Variants in STXBP5L observed in about 807,000 individuals in gnomAD.
STXBP5L encodes syntaxin-binding protein 5-like.
A neutral mutation model predicts 144.5 loss-of-function variants in STXBP5L; 65 were observed. The observed-to-expected ratio is 0.45, with a 90% CI of 0.37 to 0.55. The LOEUF is 0.55. Ranked by LOEUF, STXBP5L falls within the 20% of genes least tolerant of loss-of-function variation. The pLI, the probability that STXBP5L is intolerant of heterozygous loss-of-function variation, is 0.00. For synonymous variants in STXBP5L, 505 were observed against 469.6 expected (o/e 1.08, Z -0.97); for missense variants, 1,298 against 1,405.5 (o/e 0.92, Z 1.22).
intron 20 of STXBP5L, among the ~76,000 whole-genome samples, chr3:121,351,440 C>G (rs762810130): frequency 2.6e-5 from 4 of 152,108 alleles, no homozygotes; most frequent in Admixed American, 6.6e-5. Context: ...TGTGTGTTCT[C>G]AAATCTCAAG....
chr3:120,977,136 A>C (rs1009290498), intron 3 of STXBP5L, among the ~76,000 whole-genome samples: 1 of 152,148 alleles, frequency 6.6e-6, no homozygotes, highest in Non-Finnish European at 1.5e-5. Context: ...TCTAATGTTG[A>C]CAGTGGGGTG....
At chr3:120,962,802 T>G (rs1939023214) in intron 3 of STXBP5L, among the ~76,000 whole-genome samples, 1 of 152,206 alleles carries the variant, frequency 6.6e-6, no homozygotes. Context: ...GTTTTTCCAA[T>G]TCTGTGAAGA....
chr3:121,061,786 G>A (rs2041292390), intron 5 of STXBP5L, among the ~76,000 whole-genome samples: 1 of 152,162 alleles, frequency 6.6e-6, no homozygotes, highest in South Asian at 2.1e-4. Context: ...GACAGGGATT[G>A]CAACCCCTGC....
chr3:121,224,315 A>T (rs2049055236), intron 11 of STXBP5L, among the ~76,000 whole-genome samples: 1 of 152,174 alleles, frequency 6.6e-6, no homozygotes, highest in African/African-American at 2.4e-5. Flanking sequence ...ACTTTAAATT[A>T]TTTAGTCTCA....
intron 5 of STXBP5L, among the ~76,000 whole-genome samples, chr3:121,092,181 G>T (rs1424418100): frequency 1.3e-5 from 2 of 152,084 alleles, no homozygotes; most frequent in African/African-American, 2.4e-5. Context: ...TAGCCTTGTA[G>T]TATAGTTTGA....
intron 19 of STXBP5L, among the ~76,000 whole-genome samples, chr3:121,291,035 G>A (rs1375986912): frequency 1.3e-5 from 2 of 152,060 alleles, no homozygotes; most frequent in East Asian, 3.8e-4. Flanking sequence ...ACATAGTACT[G>A]GAAGTCCTAG....
chr3:121,087,381 G>A (rs1576905168), intron 5 of STXBP5L, among the ~76,000 whole-genome samples: 1 of 151,896 alleles, frequency 6.6e-6, no homozygotes, highest in East Asian at 1.9e-4. Flanking sequence ...TTCACATTTA[G>A]GGTTGCTATA....
intron 9 of STXBP5L, among the ~76,000 whole-genome samples, chr3:121,187,029 A>G (rs1236126147): frequency 6.6e-6 from 1 of 152,192 alleles, no homozygotes; most frequent in Non-Finnish European, 1.5e-5. Flanking sequence ...ATCTAGAACT[A>G]GAAGTACCAT....
rs58142438 is a variant in STXBP5L at position 121,387,706 on chromosome 3, G to A, written c.2587+6174G>A. Among the ~76,000 whole-genome samples the A allele has an allele frequency of 3.3e-3, 509 of 152,318 alleles. 4 individuals are homozygous for A. Among genetic ancestry groups the A allele is most frequent in the African/African-American group, 0.012 (484 of 41,574 alleles). On this transcript the variant is annotated intron_variant, in intron 22 of 26. Coordinates refer to ENST00000471454, the MANE Select transcript of STXBP5L (RefSeq NM_001308330.2). ...TTTTTGTCAGGTTTGTCAAAGATCA[G>A]ATGGTGTAGATGTGTGATGTTATTT...
intron 5 of STXBP5L, among the ~76,000 whole-genome samples, chr3:121,055,006 C>T (rs1463585491): frequency 2.0e-5 from 3 of 151,966 alleles, no homozygotes; most frequent in East Asian, 1.9e-4. Flanking sequence ...TGATGATTTC[C>T]AATAGTGATT....
chr3:121,297,211 T>TGTGG lies in STXBP5L; in HGVS notation c.2110+17258_2110+17259insGGTG, dbSNP rs769857596. ...AATGATTCTACATTATATGTGTGTG[T>TGTGG]GTGTGTGTGTGTGTGTGTGTGTGTG... On this transcript the variant is annotated intron_variant, in intron 19 of 26. Coordinates refer to ENST00000471454, the MANE Select transcript of STXBP5L (RefSeq NM_001308330.2). Among the ~76,000 whole-genome samples, 170 of 45,156 alleles carry TGTGG rather than the reference T, an allele frequency of 3.8e-3. 3 individuals carry two copies. The highest frequency in any genetic ancestry group is 9.1e-3 in the Non-Finnish European group (132 of 14,560). 29.6% of individuals were successfully genotyped at this position (45,156 alleles called of 152,430 possible).
At chr3:121,115,521 A>G (rs995248896) in intron 6 of STXBP5L, among the ~76,000 whole-genome samples, 9 of 152,282 alleles carry the variant, frequency 5.9e-5, no homozygotes, top group Non-Finnish European at 1.2e-4. Flanking sequence ...TGGGTGTATG[A>G]TTGATGGCAA....
At chr3:121,350,785 T>C (rs2045247447) in intron 20 of STXBP5L, among the ~76,000 whole-genome samples, 1 of 152,170 alleles carries the variant, frequency 6.6e-6, no homozygotes, top group Admixed American at 6.5e-5. Context: ...ATCACGTTGT[T>C]CTCATGCCAT....
intron 9 of STXBP5L, among the ~76,000 whole-genome samples, chr3:121,184,950 A>T (rs574091813): frequency 5.4e-4 from 82 of 152,336 alleles, no homozygotes; most frequent in Non-Finnish European, 9.4e-4. Flanking sequence ...CCAGAATTTC[A>T]TATCCAGCCA....
intron 3 of STXBP5L, among the ~76,000 whole-genome samples, chr3:121,015,289 C>T (rs952955537): frequency 6.6e-6 from 1 of 152,148 alleles, no homozygotes; most frequent in Non-Finnish European, 1.5e-5. Flanking sequence ...CTGGTTTCAA[C>T]TTCAACATGC....
chr3:121,204,408 A>C (rs1364106773), intron 9 of STXBP5L, among the ~76,000 whole-genome samples: 1 of 152,080 alleles, frequency 6.6e-6, no homozygotes, highest in East Asian at 1.9e-4. Flanking sequence ...TTTCTTCTTT[A>C]GTCAACATAG....
intron 9 of STXBP5L, among the ~76,000 whole-genome samples, chr3:121,159,455 G>A (rs2046236179): frequency 6.6e-6 from 1 of 151,888 alleles, no homozygotes; most frequent in South Asian, 2.1e-4. Context: ...ATAGGTGTGA[G>A]CAACCACACC....
At position 121,377,637 on chromosome 3, in the gene STXBP5L, A is replaced by G. The variant is rs189877808; in HGVS notation, c.2177-1079A>G. The stretch of plus-strand genomic sequence containing the variant: ...CCACAATGAGATACCATCTCAGGCC[A>G]GTTAGAATGGCAATCATTAAAAAGT... On this transcript the variant is annotated intron_variant, in intron 20 of 26. Coordinates refer to ENST00000471454, the MANE Select transcript of STXBP5L (RefSeq NM_001308330.2). Among the ~76,000 whole-genome samples, 697 of 152,340 alleles carry G rather than the reference A, an allele frequency of 4.6e-3. 4 individuals carry two copies. The highest frequency in any genetic ancestry group is 0.016 in the African/African-American group (658 of 41,572).
At chr3:121,307,249 C>A (rs1191074126) in intron 19 of STXBP5L, among the ~76,000 whole-genome samples, 1 of 152,078 alleles carries the variant, frequency 6.6e-6, no homozygotes, top group Non-Finnish European at 1.5e-5. Flanking sequence ...CAGTTCTCAA[C>A]AAAATATCAT....
Sources: gnomAD v4.1 joint callset for allele counts (sites outside exome capture counted in the v4.1 genomes callset) on GRCh38, gnomAD v4.1.1 for gene constraint, MANE v1.5 for transcripts, NCBI Gene and HGNC (gene_info 2026-07-23, HGNC 2026-07-21) for gene names.